Variants in RBPJ observed in about 807,000 individuals in gnomAD.
The protein encoded by RBPJ is recombining binding protein suppressor of hairless.
RBPJ carries 9 observed loss-of-function variants against 67.8 expected under a neutral mutation model. The ratio of observed to expected loss-of-function variants is 0.13; its 90% confidence interval spans 0.08 to 0.23. RBPJ has a LOEUF of 0.23. Ranked by LOEUF, RBPJ falls within the 10% of genes least tolerant of loss-of-function variation. RBPJ has a pLI of 1.00. For missense variants in RBPJ, 305 were observed against 595.6 expected, an observed-to-expected ratio of 0.51 and a Z score of 5.08; for synonymous variants, 198 against 203.3, an observed-to-expected ratio of 0.97 and a Z score of 0.22.
chr4:26,214,102 T>G (rs974626277), intron 1 of RBPJ, among the ~76,000 whole-genome samples: 1 of 143,672 alleles, frequency 7.0e-6, no homozygotes, highest in African/African-American at 2.6e-5. Context: ...CTGGGCAACA[T>G]AGAGAGACCT....
chr4:26,397,431 T>A (rs1732242952), intron 2 of RBPJ, among the ~76,000 whole-genome samples: 2 of 152,134 alleles, frequency 1.3e-5, no homozygotes, highest in Non-Finnish European at 2.9e-5. Context: ...ATAAAAAAAT[T>A]CTTGATTGAA....
chr4:26,360,258 C>A (rs1727897293), intron 1 of RBPJ, among the ~76,000 whole-genome samples: 1 of 152,098 alleles, frequency 6.6e-6, no homozygotes, highest in Admixed American at 6.5e-5. Context: ...GTGTGTTTTT[C>A]CCTATCCTGC....
intron 1 of RBPJ, among the ~76,000 whole-genome samples, chr4:26,364,422 T>C (rs1360627959): frequency 6.6e-6 from 1 of 152,162 alleles, no homozygotes; most frequent in Admixed American, 6.5e-5. Context: ...TTGGACATAA[T>C]GGTTTCAGGA....
intron 1 of RBPJ, among the ~76,000 whole-genome samples, chr4:26,203,586 C>G (rs995531349): frequency 2.0e-5 from 3 of 152,148 alleles, no homozygotes; most frequent in Admixed American, 2.0e-4. Flanking sequence ...TGGCTCTGTC[C>G]TCCACTCCTA....
At chr4:26,412,400 T>C (rs1734127044) in intron 3 of RBPJ, among the ~76,000 whole-genome samples, 1 of 151,912 alleles carries the variant, frequency 6.6e-6, no homozygotes, top group African/African-American at 2.4e-5. Flanking sequence ...CCTGGCTAAT[T>C]TTTGTACTTT....
intron 1 of RBPJ, among the ~76,000 whole-genome samples, chr4:26,245,053 C>G (rs1719881168): frequency 6.6e-6 from 1 of 151,378 alleles, no homozygotes; most frequent in African/African-American, 2.4e-5. Context: ...TTAAAGTATA[C>G]AATTCAGTGG....
chr4:26,115,720 CTGTT>C, the RBPJ span, among the ~76,000 whole-genome samples: 1 of 152,178 alleles, frequency 6.6e-6, no homozygotes, highest in Non-Finnish European at 1.5e-5. Context: ...TTGCCTCTGA[CTGTT>C]TGCTGGCACA....
chr4:26,340,938 T>A (rs1398297481), intron 1 of RBPJ, among the ~76,000 whole-genome samples: 1 of 150,826 alleles, frequency 6.6e-6, no homozygotes, highest in Non-Finnish European at 1.5e-5. Flanking sequence ...AGGAAAAAAA[T>A]CATTTTAGAT....
chr4:26,368,247 A>T (rs943675595), intron 1 of RBPJ: 1 of 152,244 alleles, frequency 6.6e-6, no homozygotes, highest in African/African-American at 2.4e-5. Flanking sequence ...AGAGTATGGA[A>T]GAATTGAATT....
intron 1 of RBPJ, among the ~76,000 whole-genome samples, chr4:26,243,613 C>T (rs1031845470): frequency 6.6e-6 from 1 of 152,134 alleles, no homozygotes; most frequent in African/African-American, 2.4e-5. Flanking sequence ...TAAAATCATG[C>T]ATGGGTAAAA....
chr4:26,176,396 G>A (rs1716796774), intron 1 of RBPJ, among the ~76,000 whole-genome samples: 1 of 152,192 alleles, frequency 6.6e-6, no homozygotes, highest in Non-Finnish European at 1.5e-5. Context: ...AAGAATCCAA[G>A]TCTTAAAGTA....
chr4:26,362,803 A>C (rs1728216595), intron 1 of RBPJ, among the ~76,000 whole-genome samples: 1 of 152,228 alleles, frequency 6.6e-6, no homozygotes, highest in South Asian at 2.1e-4. Context: ...TTTTTGTTAC[A>C]AAAACCCATG....
intron 1 of RBPJ, among the ~76,000 whole-genome samples, chr4:26,247,093 T>C (rs548408073): frequency 6.6e-6 from 1 of 152,072 alleles, no homozygotes; most frequent in Non-Finnish European, 1.5e-5. Flanking sequence ...ATACTATTTT[T>C]ATTGCAGTCA....
intron 1 of RBPJ, among the ~76,000 whole-genome samples, chr4:26,176,355 T>G (rs999804562): frequency 6.6e-6 from 1 of 152,186 alleles, no homozygotes; most frequent in South Asian, 2.1e-4. Context: ...TCACTGAGTT[T>G]AAAACCAGTG....
At chr4:26,320,826 AG>A, upstream of RBPJ, 1 of 1,560,734 alleles carries the variant, frequency 6.4e-7, no homozygotes, top group Non-Finnish European at 8.7e-7. Flanking sequence ...GTAGGTTTCC[AG>A]GGAAGGCAGC....
At chr4:26,109,103 CTTTTTTTTT>C in the RBPJ span, among the ~76,000 whole-genome samples, 2 of 130,040 alleles carry the variant, frequency 1.5e-5, no homozygotes, top group Non-Finnish European at 1.6e-5. Context: ...TTGCCTTCCT[CTTTTTTTTT>C]TTTTTTTTTT....
intron 7 of RBPJ, among the ~76,000 whole-genome samples, chr4:26,426,081 TATA>T (rs1315220877): frequency 6.6e-6 from 1 of 152,100 alleles, no homozygotes; most frequent in Non-Finnish European, 1.5e-5. Flanking sequence ...TGAGACAAAT[TATA>T]ATAAAAAGGG....
chr4:26,388,288 C>T (rs1021917742), intron 2 of RBPJ, among the ~76,000 whole-genome samples: 2 of 152,066 alleles, frequency 1.3e-5, no homozygotes, highest in African/African-American at 4.8e-5. Flanking sequence ...GTGTGATCCA[C>T]GGTGCCCAGC....
intron 1 of RBPJ, among the ~76,000 whole-genome samples, chr4:26,225,171 G>A (rs1008769424): frequency 3.3e-5 from 5 of 152,196 alleles, no homozygotes; most frequent in Non-Finnish European, 7.3e-5. Context: ...GAGGTAGCTG[G>A]TATAAAGGAA....
Sources: gnomAD v4.1 joint callset for allele counts (sites outside exome capture counted in the v4.1 genomes callset) on GRCh38, gnomAD v4.1.1 for gene constraint, MANE v1.5 for transcripts, NCBI Gene and HGNC (gene_info 2026-07-23, HGNC 2026-07-21) for gene names.